OR8G5: variants seen among roughly 807,000 people sequenced by gnomAD.
The protein encoded by OR8G5 is olfactory receptor 8G5.
For missense variants in OR8G5, 347 were observed against 371.9 expected, an observed-to-expected ratio of 0.93 and a Z score of 0.55; for synonymous variants, 147 against 147.7, an observed-to-expected ratio of 1.00 and a Z score of 0.03.
Position 124,265,300 on chromosome 11 carries a change from C to T in OR8G5, c.369C>T (p.Tyr123=), listed in dbSNP as rs374036590. ...HMLAAMAYDG[Y]VAICSPLLYS... ...TGGCTGCAATGGCATATGACGGCTA[C>T]GTGGCCATCTGTAGCCCCTTGCTGT... The change falls in exon 2 of 2, where the codon TAC becomes TAT. Residue 123 remains tyrosine, a synonymous_variant. Transcript: ENST00000641992. The T allele has an allele frequency of 2.2e-5, 35 of 1,613,928 alleles. No homozygotes were observed. Among genetic ancestry groups the T allele is most frequent in the African/African-American group, 1.9e-4 (14 of 74,936 alleles).
At chr11:124,261,374 C>T (rs575822801) in intron 1 of OR8G5, among the ~76,000 whole-genome samples, 56 of 151,890 alleles carry the variant, frequency 3.7e-4, no homozygotes, top group South Asian at 1.9e-3. Flanking sequence ...AACAGAAAAT[C>T]TAATGAAAGG....
rs1289380166 is a variant in OR8G5 at position 124,265,084 on chromosome 11, C to T, written c.153C>T (p.Leu51=). ...GNLGMITLIG[L]SSHLHTPMYC... Reference sequence around the variant, plus strand: ...TGGGCATGATCACACTGATTGGGCTCAGTTCTCACCTGCACACACCTATGT... The same window carrying T: ...TGGGCATGATCACACTGATTGGGCTTAGTTCTCACCTGCACACACCTATGT... The change falls in exon 2 of 2, where the codon CTC becomes CTT. Residue 51 remains leucine (L), a synonymous_variant. Coordinates refer to ENST00000641992, the MANE Select transcript of OR8G5 (RefSeq NM_001005198.2). 4 of 1,614,042 alleles carry T rather than the reference C, an allele frequency of 2.5e-6. No individual in the cohort carries two copies. The highest frequency in any genetic ancestry group is 2.5e-6 in the Non-Finnish European group (3 of 1,180,044).
chr11:124,260,399 CTAA>C (rs767174237), intron 1 of OR8G5, among the ~76,000 whole-genome samples: 51 of 151,956 alleles, frequency 3.4e-4, no homozygotes, highest in Non-Finnish European at 4.9e-4. Context: ...AAAAAAATAA[CTAA>C]TAGGTACAAT....
At chr11:124,259,450 T>G (rs1049022414) in intron 1 of OR8G5, among the ~76,000 whole-genome samples, 1 of 152,166 alleles carries the variant, frequency 6.6e-6, no homozygotes. Context: ...TTTGGAAGTT[T>G]TTAATGCTCA....
rs555386074 is a variant in OR8G5 at position 124,260,359 on chromosome 11, G to A, written c.-15+3725G>A. On this transcript the variant is annotated intron_variant, in intron 1 of 1. Coordinates refer to ENST00000641992, the MANE Select transcript of OR8G5 (RefSeq NM_001005198.2). ...AATGTGTTCTCATTTATAAGTGGCA[G>A]CTAAGCTATGTGTGGAGGAAGAGGA... Among the ~76,000 whole-genome samples, 29 of 151,988 alleles carry A rather than the reference G, an allele frequency of 1.9e-4. No individual in the cohort carries two copies. The East Asian group carries it at 3.5e-3, about 18-fold the overall frequency.
chr11:124,259,706 T>C (rs919428190), intron 1 of OR8G5, among the ~76,000 whole-genome samples: 30 of 152,110 alleles, frequency 2.0e-4, no homozygotes, highest in Non-Finnish European at 2.9e-5. Flanking sequence ...TCAATCATAT[T>C]GGGAAATACC....
chr11:124,259,906 A>T (rs190059120), intron 1 of OR8G5, among the ~76,000 whole-genome samples: 192 of 152,214 alleles, frequency 1.3e-3, no homozygotes, highest in African/African-American at 4.6e-3. Context: ...TGTTAATATA[A>T]AATTATCTGA....
In OR8G5 at chr11:124,265,693, T is replaced by C; in HGVS notation, c.762T>C (p.Ser254=). 2 of 1,614,042 alleles carry C rather than the reference T, an allele frequency of 1.2e-6. No homozygotes were observed. Among genetic ancestry groups the C allele is most frequent in the Non-Finnish European group, 1.7e-6 (2 of 1,179,912 alleles). ...HISAVSVFFG[S]AAFMYLQPSS... is the part of the protein sequence containing the mutation. ...CGGCTGTTTCTGTTTTCTTTGGGTC[T>C]GCAGCATTCATGTACCTGCAGCCAT... Residue 254 remains serine, a synonymous_variant, in exon 2 of 2, where the codon TCT becomes TCC. Coordinates refer to ENST00000641992, the MANE Select transcript of OR8G5 (RefSeq NM_001005198.2).
In OR8G5 at chr11:124,265,585, C is replaced by T. The variant is rs2466701; in HGVS notation, c.654C>T (p.Tyr218=). The T allele has an allele frequency of 0.52, 834,316 of 1,613,522 alleles. 220,142 individuals are homozygous for T. The highest frequency in any genetic ancestry group is 0.56 in the East Asian group (25,295 of 44,866). The change falls in exon 2 of 2, where the codon TAC becomes TAT. Residue 218 remains tyrosine, a synonymous_variant. Transcript: ENST00000641992. ...CCAGCCTGACCATCCTCAGCTCTTA[C>T]ATCTTCATCATTGCCAGCATCCTCC... The part of the protein sequence containing the change: ...LVPSLTILSS[Y]IFIIASILRI...
At position 124,265,764 on chromosome 11, in the gene OR8G5, A is replaced by G. The variant is rs538530852; in HGVS notation, c.833A>G (p.Tyr278Cys). ...CAGGGGAAAGTGTCCTCTGTGTTTT[A>G]TACTATTGTTGTGCCCATGCTGAAC... ...MDQGKVSSVF[Y>C]TIVVPMLNPL... The change falls in exon 2 of 2, where the codon TAT (tyrosine) becomes TGT (cysteine). Residue 278 changes from tyrosine to cysteine, a missense_variant. Tyr to Cys is a radical substitution (Grantham distance 194, BLOSUM62 -2). Transcript: ENST00000641992. 76 of 1,614,174 alleles carry G rather than the reference A, an allele frequency of 4.7e-5. No individual in the cohort carries two copies. The South Asian group carries it at 6.8e-4, about 14-fold the overall frequency.
intron 1 of OR8G5, among the ~76,000 whole-genome samples, chr11:124,263,577 C>A (rs1861996487): frequency 6.8e-6 from 1 of 147,798 alleles, no homozygotes; most frequent in Non-Finnish European, 1.5e-5. Flanking sequence ...CAGTTCCCAC[C>A]TATGAGTGAG....
At position 124,265,519 on chromosome 11, in the gene OR8G5, G is replaced by A; in HGVS notation, c.588G>A (p.Glu196=). Residue 196 remains glutamate, a synonymous_variant, in exon 2 of 2, where the codon GAG becomes GAA. Transcript: ENST00000641992. The stretch of plus-strand genomic sequence containing the variant: ...CCTGTTCTAGTACTTACATTAATGA[G>A]TTACTGATTTTAATCTTTAGTGGAA... ...KLSCSSTYIN[E]LLILIFSGIN... The A allele has an allele frequency of 6.2e-7, 1 of 1,613,870 alleles. No individual in the cohort carries two copies. The highest frequency in any genetic ancestry group is 8.5e-7 in the Non-Finnish European group (1 of 1,179,798).
rs139759174 is a variant in OR8G5, at chr11:124,260,240, A to G, written c.-15+3606A>G. Among the ~76,000 whole-genome samples the G allele has an allele frequency of 8.1e-3, 1,232 of 152,164 alleles. 24 individuals carry two copies. The highest frequency in any genetic ancestry group is 0.028 in the African/African-American group (1,146 of 41,542). On this transcript the variant is annotated intron_variant, in intron 1 of 1. Coordinates refer to ENST00000641992, the MANE Select transcript of OR8G5 (RefSeq NM_001005198.2). Reference sequence around the variant, plus strand: ...ACACCATAGAATACCACTGAGCCATAAAAAGGAACAAAATAATGACTTTTG... The same window carrying G: ...ACACCATAGAATACCACTGAGCCATGAAAAGGAACAAAATAATGACTTTTG...
At chr11:124,258,187 T>A (rs1170334714) in intron 1 of OR8G5, among the ~76,000 whole-genome samples, 1 of 152,148 alleles carries the variant, frequency 6.6e-6, no homozygotes, top group African/African-American at 2.4e-5. Context: ...TGCTAATTAT[T>A]TCATTACCTT....
At chr11:124,259,141 T>C (rs1014468613) in intron 1 of OR8G5, among the ~76,000 whole-genome samples, 1 of 148,682 alleles carries the variant, frequency 6.7e-6, no homozygotes, top group Admixed American at 6.9e-5. Context: ...TCATCATTGA[T>C]TTAGAAGTGT....
intron 1 of OR8G5, among the ~76,000 whole-genome samples, chr11:124,262,255 C>A (rs1028796291): frequency 7.9e-5 from 12 of 151,552 alleles, no homozygotes; most frequent in Non-Finnish European, 1.8e-4. Flanking sequence ...CATGAATGAT[C>A]AAGACAAAAA....
chr11:124,258,562 CAAAT>C (rs1006526995), intron 1 of OR8G5, among the ~76,000 whole-genome samples: 17 of 151,444 alleles, frequency 1.1e-4, no homozygotes, highest in East Asian at 3.9e-4. Context: ...GACTCCATCT[CAAAT>C]AAATAAATAA....
At chr11:124,259,848 G>A (rs150775559) in intron 1 of OR8G5, among the ~76,000 whole-genome samples, 1 of 152,152 alleles carries the variant, frequency 6.6e-6, no homozygotes, top group East Asian at 1.9e-4. Context: ...ATAAATTGAA[G>A]ATGAACTGTG....
At position 124,264,935 on chromosome 11, in the gene OR8G5, G is replaced by T. The variant is rs755048646; in HGVS notation, c.4G>T (p.Ala2Ser). Residue 2 changes from alanine (A) to serine (S), a missense_variant, in exon 2 of 2, where the codon GCA becomes TCA. Ala to Ser is a moderately conservative substitution (Grantham distance 99). Coordinates refer to ENST00000641992, the MANE Select transcript of OR8G5 (RefSeq NM_001005198.2). Reference sequence around the variant, plus strand: ...CCCTGCAGAAACTCATCAAAGAATGGCAGCAGAAAACCATTCTTTTGTGAC... The same window carrying T: ...CCCTGCAGAAACTCATCAAAGAATGTCAGCAGAAAACCATTCTTTTGTGAC... M[A>S]AENHSFVTKF... The T allele has an allele frequency of 1.2e-6, 2 of 1,613,698 alleles. No homozygotes were observed. The highest frequency in any genetic ancestry group is 1.7e-6 in the Non-Finnish European group (2 of 1,179,744).
Sources: gnomAD v4.1 joint callset for allele counts (sites outside exome capture counted in the v4.1 genomes callset) on GRCh38, gnomAD v4.1.1 for gene constraint, MANE v1.5 for transcripts, NCBI Gene and HGNC (gene_info 2026-07-23, HGNC 2026-07-21) for gene names.